Variants in LRMDA observed in about 807,000 individuals in gnomAD.
LRMDA encodes the protein leucine-rich melanocyte differentiation-associated protein.
LRMDA carries 18 observed loss-of-function variants against 29.8 expected under a neutral mutation model. The observed-to-expected ratio is 0.60, with a 90% CI of 0.42 to 0.90. LRMDA has a LOEUF of 0.90. Ranked by LOEUF, LRMDA falls within the 40% of genes least tolerant of loss-of-function variation. LRMDA has a pLI of 0.00. For missense variants in LRMDA, 273 were observed against 273.9 expected, an observed-to-expected ratio of 1.00 and a Z score of 0.02; for synonymous variants, 125 against 109.4, an observed-to-expected ratio of 1.14 and a Z score of -0.89.
rs192207927 is a variant in LRMDA, at chr10:76,213,072, A to G, written c.517-111329A>G. On this transcript the variant is annotated intron_variant, in intron 5 of 6. Transcript: ENST00000611255. ...ATCTCACCCCAAAAACGCATCCCAA[A>G]TTGAGCATATGTGATCTTCAGTAAC... Among the ~76,000 whole-genome samples, 33 of 152,332 alleles carry G rather than the reference A, an allele frequency of 2.2e-4. No homozygotes were observed. In the East Asian group the frequency reaches 6.4e-3, roughly 29 times the overall value.
intron 5 of LRMDA, among the ~76,000 whole-genome samples, chr10:76,193,785 G>A (rs1851286797): frequency 6.6e-6 from 1 of 152,128 alleles, no homozygotes; most frequent in Admixed American, 6.6e-5. Flanking sequence ...TAGGGAGTCA[G>A]AGATCCAAGC....
intron 5 of LRMDA, among the ~76,000 whole-genome samples, chr10:76,284,664 T>C (rs1241395844): frequency 6.6e-6 from 1 of 152,210 alleles, no homozygotes; most frequent in African/African-American, 2.4e-5. Context: ...GGGACTGATA[T>C]GGTTTGACTG....
intron 5 of LRMDA, among the ~76,000 whole-genome samples, chr10:76,129,230 A>G (rs908242231): frequency 1.3e-5 from 2 of 151,942 alleles, no homozygotes; most frequent in South Asian, 2.1e-4. Context: ...GTGGGCTGAT[A>G]CCCCCTTCAC....
intron 6 of LRMDA, among the ~76,000 whole-genome samples, chr10:76,440,083 A>G (rs958493254): frequency 2.6e-5 from 4 of 152,186 alleles, no homozygotes; most frequent in East Asian, 1.9e-4. Flanking sequence ...GACACTGTAC[A>G]TAGATCGTTA....
At chr10:76,228,174 A>C (rs1311323750) in intron 5 of LRMDA, among the ~76,000 whole-genome samples, 1 of 152,014 alleles carries the variant, frequency 6.6e-6, no homozygotes, top group African/African-American at 2.4e-5. Flanking sequence ...GGCACACGCC[A>C]CCACGCCCAG....
chr10:76,151,102 A>G (rs369527566), intron 5 of LRMDA, among the ~76,000 whole-genome samples: 74 of 152,288 alleles, frequency 4.9e-4, no homozygotes, highest in African/African-American at 1.6e-3. Flanking sequence ...TGGCAGCTTC[A>G]GACGTAGGGC....
chr10:76,372,036 T>C lies in LRMDA; in HGVS notation c.601+47551T>C, dbSNP rs1482187805. Among the ~76,000 whole-genome samples the C allele has an allele frequency of 2.0e-5, 3 of 152,208 alleles. No individual in the cohort carries two copies. In the South Asian group the frequency reaches 6.2e-4, roughly 31 times the overall value. ...ACCTCCTCCCTGGAAATATGGATCT[T>C]TGACCTAAAAGTGTTGTATAGTTAT... On this transcript the variant is annotated intron_variant, in intron 6 of 6. Coordinates refer to ENST00000611255, the MANE Select transcript of LRMDA (RefSeq NM_001305581.2).
In LRMDA at chr10:75,444,169, G is replaced by C. The variant is rs529010805; in HGVS notation, c.131+5675G>C. On this transcript the variant is annotated intron_variant, in intron 2 of 6. Transcript: ENST00000611255. ...TTTTTTTTCTTCTCATTATACGTCA[G>C]AGTCTTCTTTCCTGCATTAACTATG... 2.6e-5 allele frequency among the ~76,000 whole-genome samples: 4 copies of C among 152,272 alleles called. No individual in the cohort carries two copies. The East Asian group carries it at 7.7e-4, about 29-fold the overall frequency.
chr10:75,966,960 G>A (rs922128352), intron 2 of LRMDA, among the ~76,000 whole-genome samples: 2 of 152,344 alleles, frequency 1.3e-5, no homozygotes, highest in Middle Eastern at 3.4e-3. Flanking sequence ...CCCATAGGAG[G>A]CAAGGCTGTT....
At chr10:75,891,560 A>C (rs777225215) in intron 2 of LRMDA, among the ~76,000 whole-genome samples, 17 of 152,202 alleles carry the variant, frequency 1.1e-4, no homozygotes, top group Non-Finnish European at 2.4e-4. Context: ...AGGCTGGGTC[A>C]TGGGTGACCT....
In LRMDA at chr10:75,782,930, T is replaced by G. The variant is rs764611084; in HGVS notation, c.132-253078T>G. 5 of 1,612,830 alleles carry G rather than the reference T, an allele frequency of 3.1e-6. No homozygotes were observed. In the South Asian group the frequency reaches 4.4e-5, roughly 14 times the overall value. On this transcript the variant is annotated intron_variant, in intron 2 of 6. Coordinates refer to ENST00000611255, the MANE Select transcript of LRMDA (RefSeq NM_001305581.2). Reference sequence around the variant, plus strand: ...CTTGCCAACAGTGGCATCTGCTCAGTGTAGCCATCAAGAATTTGAATGTCA... The same window carrying G: ...CTTGCCAACAGTGGCATCTGCTCAGGGTAGCCATCAAGAATTTGAATGTCA...
At chr10:76,294,803 T>C (rs1840392140) in intron 5 of LRMDA, among the ~76,000 whole-genome samples, 1 of 152,202 alleles carries the variant, frequency 6.6e-6, no homozygotes. Context: ...CATTGGGATA[T>C]TTTATTTGAC....
intron 2 of LRMDA, among the ~76,000 whole-genome samples, chr10:75,484,445 T>C (rs1844887688): frequency 6.6e-6 from 1 of 152,228 alleles, no homozygotes; most frequent in Non-Finnish European, 1.5e-5. Flanking sequence ...TAGGTTCTAT[T>C]TGCTAAAATT....
At chr10:76,336,228 G>T (rs1840967119) in intron 6 of LRMDA, among the ~76,000 whole-genome samples, 1 of 137,406 alleles carries the variant, frequency 7.3e-6, no homozygotes, top group Admixed American at 7.2e-5. Flanking sequence ...GTAATCCTGG[G>T]TTCTCTATGT....
intron 2 of LRMDA, among the ~76,000 whole-genome samples, chr10:75,805,227 T>G (rs555521940): frequency 6.6e-6 from 1 of 152,222 alleles, no homozygotes; most frequent in South Asian, 2.1e-4. Flanking sequence ...TAAAGTACTG[T>G]GGCTTAGTGA....
At chr10:75,750,639 A>C (rs1402044651) in intron 2 of LRMDA, among the ~76,000 whole-genome samples, 1 of 84,946 alleles carries the variant, frequency 1.2e-5, no homozygotes, top group Non-Finnish European at 2.3e-5. Flanking sequence ...ATCCCAGATG[A>C]TGGGCAGCCG....
At chr10:76,124,516 T>C (rs73285225) in intron 5 of LRMDA, among the ~76,000 whole-genome samples, 6,256 of 152,332 alleles carry the variant, frequency 0.041, 432 homozygotes, top group African/African-American at 0.14. Flanking sequence ...TATTTTGGTA[T>C]GTTCTTATCA....
At chr10:76,489,862 A>T (rs576939578) in intron 6 of LRMDA, among the ~76,000 whole-genome samples, 1 of 151,864 alleles carries the variant, frequency 6.6e-6, no homozygotes, top group South Asian at 2.1e-4. Flanking sequence ...TCTTCACTTG[A>T]CACTCATTCT....
At chr10:75,726,716 G>A (rs1486104014) in intron 2 of LRMDA, among the ~76,000 whole-genome samples, 1 of 152,202 alleles carries the variant, frequency 6.6e-6, no homozygotes, top group East Asian at 1.9e-4. Context: ...GGACTGTGCG[G>A]TTTCACAGAA....
Sources: gnomAD v4.1 joint callset for allele counts (sites outside exome capture counted in the v4.1 genomes callset) on GRCh38, gnomAD v4.1.1 for gene constraint, MANE v1.5 for transcripts, NCBI Gene and HGNC (gene_info 2026-07-23, HGNC 2026-07-21) for gene names.